Variants in FOCAD observed in about 807,000 individuals in gnomAD.
The protein encoded by FOCAD is KIAA1797.
In FOCAD, 198 loss-of-function variants were observed where a neutral mutation model predicts 225.6. The ratio of observed to expected loss-of-function variants is 0.88; its 90% CI spans 0.78 to 0.99. The LOEUF (loss-of-function observed/expected upper bound fraction) is 0.99, where lower values mean the gene tolerates loss of function less well. Among genes scored for constraint, FOCAD ranks in the 50% least tolerant of loss-of-function variants. The pLI is 0.00. For synonymous variants in FOCAD, 897 were observed against 755.0 expected (o/e 1.19, Z -3.08); for missense variants, 2,713 against 2,123.6 (o/e 1.28, Z -5.46).
At chr9:20,966,979 T>C (rs932119048) in intron 35 of FOCAD, among the ~76,000 whole-genome samples, 1 of 151,720 alleles carries the variant, frequency 6.6e-6, no homozygotes, top group Non-Finnish European at 1.5e-5. Flanking sequence ...TTTTCTTTTT[T>C]CAAGATATTT....
intron 15 of FOCAD, among the ~76,000 whole-genome samples, chr9:20,850,742 A>G (rs569032229): frequency 8.6e-5 from 13 of 151,210 alleles, no homozygotes; most frequent in Non-Finnish European, 1.8e-4. Flanking sequence ...AAAAGACACA[A>G]CAGAGCATCT....
chr9:20,722,817 T>C (rs7028849), intron 4 of FOCAD, among the ~76,000 whole-genome samples: 2 of 152,188 alleles, frequency 1.3e-5, no homozygotes, highest in Non-Finnish European at 1.5e-5. Flanking sequence ...CCTTTTTTAT[T>C]TGTGAAATGC....
intron 36 of FOCAD, among the ~76,000 whole-genome samples, chr9:20,977,304 CTTCT>C (rs2132594050): frequency 6.6e-6 from 1 of 152,306 alleles, no homozygotes; most frequent in African/African-American, 2.4e-5. Flanking sequence ...ATCTGCAAAG[CTTCT>C]TTGTCATATA....
intron 11 of FOCAD, among the ~76,000 whole-genome samples, chr9:20,790,776 A>G (rs1189474355): frequency 2.6e-5 from 4 of 152,086 alleles, no homozygotes; most frequent in African/African-American, 9.7e-5. Flanking sequence ...AAAAACAAAA[A>G]CAAAAAAACA....
chr9:20,734,791 C>T (rs377397552), intron 4 of FOCAD, among the ~76,000 whole-genome samples: 23 of 152,162 alleles, frequency 1.5e-4, no homozygotes, highest in African/African-American at 3.6e-4. Flanking sequence ...ACTACAGGCT[C>T]ATGCCACCAC....
intron 4 of FOCAD, among the ~76,000 whole-genome samples, chr9:20,732,182 T>A (rs139497045): frequency 4.6e-4 from 70 of 152,278 alleles, no homozygotes; most frequent in African/African-American, 1.6e-3. Flanking sequence ...GTTATTGCAC[T>A]CATGATGCTT....
chr9:20,938,062 T>C (rs1836183950), intron 28 of FOCAD, among the ~76,000 whole-genome samples: 1 of 151,976 alleles, frequency 6.6e-6, no homozygotes, highest in South Asian at 2.1e-4. Context: ...ATGGCAATCA[T>C]TAAAAAGTCA....
intron 4 of FOCAD, among the ~76,000 whole-genome samples, chr9:20,727,823 C>G (rs1338762923): frequency 6.6e-6 from 1 of 152,176 alleles, no homozygotes; most frequent in Admixed American, 6.5e-5. Flanking sequence ...AGGGATGCAT[C>G]CCTCTTGGGA....
chr9:20,850,270 T>C (rs1203352975), intron 15 of FOCAD, among the ~76,000 whole-genome samples: 1 of 151,764 alleles, frequency 6.6e-6, no homozygotes, highest in East Asian at 1.9e-4. Flanking sequence ...GTAATAGAAA[T>C]ACAATTTCTT....
Position 20,677,485 on chromosome 9 carries a change from T to C in FOCAD, c.-77-17035T>C, listed in dbSNP as rs544628495. On this transcript the variant is annotated intron_variant, in intron 2 of 45. Transcript: ENST00000380249. ...CTATTTATGTGATAAAGGGTTAATA[T>C]AGAAAATACAAAGAATTCAGCTTAA... Among the ~76,000 whole-genome samples, 5 of 152,188 alleles carry C rather than the reference T, an allele frequency of 3.3e-5. No homozygotes were observed. The East Asian group carries it at 9.7e-4, about 29-fold the overall frequency.
chr9:20,852,784 A>C (rs1335562168), intron 15 of FOCAD, among the ~76,000 whole-genome samples: 1 of 151,852 alleles, frequency 6.6e-6, no homozygotes, highest in East Asian at 1.9e-4. Flanking sequence ...CAGCCTCTTT[A>C]GCCCTTTTTA....
intron 35 of FOCAD, among the ~76,000 whole-genome samples, chr9:20,957,116 T>C (rs945623039): frequency 2.0e-5 from 3 of 152,228 alleles, no homozygotes; most frequent in African/African-American, 7.2e-5. Context: ...CAGGGTGAAG[T>C]GCGGTGGCAC....
chr9:20,684,889 G>A (rs1057289233), intron 1 of FOCAD, among the ~76,000 whole-genome samples: 2 of 152,244 alleles, frequency 1.3e-5, no homozygotes, highest in Non-Finnish European at 2.9e-5. Flanking sequence ...TGAAGAAAGA[G>A]TATGTTAGAT....
rs73436472 is a variant in FOCAD, at chr9:20,731,387, A to T, written c.288-8849A>T. ...AGTTATCCTATTTGCTAAATGTGTG[A>T]TCCCTTAAATGAAAGGCCTTTTAGA... On this transcript the variant is annotated intron_variant, in intron 4 of 43. Coordinates refer to ENST00000338382, the MANE Select transcript of FOCAD (RefSeq NM_001375567.1). 6.2e-3 allele frequency among the ~76,000 whole-genome samples: 940 copies of T among 152,324 alleles called. 11 individuals carry two copies. The highest frequency in any genetic ancestry group is 0.021 in the African/African-American group (870 of 41,568).
intron 36 of FOCAD, among the ~76,000 whole-genome samples, chr9:20,977,828 G>A (rs1276485600): frequency 6.6e-6 from 1 of 152,100 alleles, no homozygotes; most frequent in East Asian, 1.9e-4. Flanking sequence ...CCCTCTCCTT[G>A]TTTGGTGTGC....
chr9:20,719,263 A>C (rs62549795), intron 3 of FOCAD, among the ~76,000 whole-genome samples: 49,045 of 151,784 alleles, frequency 0.32, 8,696 homozygotes, highest in South Asian at 0.49. Context: ...TTGTATTTTT[A>C]GTAGAGACTG....
intron 8 of FOCAD, among the ~76,000 whole-genome samples, chr9:20,777,057 T>A (rs915160239): frequency 2.6e-5 from 4 of 152,326 alleles, no homozygotes; most frequent in Non-Finnish European, 5.9e-5. Flanking sequence ...TATCCCATTT[T>A]TAAAAATTCA....
chr9:20,757,968 A>T (rs1433399114), intron 5 of FOCAD, 122 bp from the exon 6 acceptor site: 1 of 488,692 alleles, frequency 2.0e-6, no homozygotes, highest in East Asian at 3.5e-5. Flanking sequence ...ATTTTGTGAC[A>T]ATTATGAATC....
intron 15 of FOCAD, among the ~76,000 whole-genome samples, chr9:20,844,349 C>T (rs1282433620): frequency 2.1e-3 from 161 of 77,204 alleles, no homozygotes; most frequent in South Asian, 2.9e-3. Flanking sequence ...AGGAAATTTC[C>T]TTTTTTTTTT....
Sources: allele counts gnomAD v4.1 joint callset (sites outside exome capture counted in the v4.1 genomes callset), GRCh38; gene constraint gnomAD v4.1.1; transcripts MANE v1.5; gene names NCBI Gene and HGNC (gene_info 2026-07-23, HGNC 2026-07-21).